CACNA2D2: variants seen among roughly 807,000 people sequenced by gnomAD.
The protein encoded by CACNA2D2 is voltage-dependent calcium channel subunit alpha-2/delta-2.
Under a neutral mutation model 166.4 loss-of-function variants are expected in CACNA2D2, and 48 were observed. That is an observed-to-expected ratio of 0.29 (90% confidence interval 0.23 to 0.37). The LOEUF is 0.37. Ranked by LOEUF, CACNA2D2 falls within the 10% of genes least tolerant of loss-of-function variation. The pLI is 1.00. For synonymous variants in CACNA2D2, 561 were observed against 573.7 expected (o/e 0.98, Z 0.32); for missense variants, 1,122 against 1,433.0 (o/e 0.78, Z 3.50).
intron 1 of CACNA2D2, among the ~76,000 whole-genome samples, chr3:50,480,115 T>A (rs545346733): frequency 6.6e-6 from 1 of 151,984 alleles, no homozygotes; most frequent in Non-Finnish European, 1.5e-5. Context: ...GACAAGAAAA[T>A]TGAAGCCCCT....
At chr3:50,431,845 C>G (rs1015975401) in intron 3 of CACNA2D2, among the ~76,000 whole-genome samples, 1 of 151,806 alleles carries the variant, frequency 6.6e-6, no homozygotes, top group Admixed American at 6.6e-5. Flanking sequence ...ATTAGCTGGG[C>G]ATGGTGGTGG....
chr3:50,372,163 T>C (rs1209262576), intron 22 of CACNA2D2, among the ~76,000 whole-genome samples: 1 of 152,062 alleles, frequency 6.6e-6, no homozygotes, highest in Non-Finnish European at 1.5e-5. Flanking sequence ...GGTCTAGGGG[T>C]TCACTACCCA....
At chr3:50,429,089 G>A (rs563215231) in intron 3 of CACNA2D2, among the ~76,000 whole-genome samples, 1 of 152,230 alleles carries the variant, frequency 6.6e-6, no homozygotes, top group South Asian at 2.1e-4. Flanking sequence ...AAATAGCCAG[G>A]CATGGTGACA....
upstream of CACNA2D2, among the ~76,000 whole-genome samples, chr3:50,503,812 G>A (rs1699094304): frequency 6.6e-6 from 1 of 150,948 alleles, no homozygotes; most frequent in Admixed American, 6.6e-5. Flanking sequence ...CCCGAATCCT[G>A]CCCTACTGGC....
rs1704192629 is a variant in CACNA2D2, at chr3:50,365,386, T to C, written c.3068A>G (p.Asn1023Ser). The C allele has an allele frequency of 1.2e-6, 2 of 1,613,420 alleles. No individual in the cohort carries two copies. The highest frequency in any genetic ancestry group is 1.7e-6 in the Non-Finnish European group (2 of 1,179,788). Residue 1023 changes from asparagine to serine, a missense_variant, in exon 35 of 38, where the codon AAC becomes AGC. This residue lies in a region of CACNA2D2 where 282 missense variants were observed against 266.2 expected (regional missense o/e 1.06). Coordinates refer to ENST00000424201, the MANE Select transcript of CACNA2D2 (RefSeq NM_006030.4). The surrounding 1 kb of genome is among the most constrained non-coding windows in gnomAD (Gnocchi z 4.5). ...YYFGSVNASY[N>S]AIIDCGNCSR... ...GCAGTTTCCGCAGTCGATGATGGCG[T>C]TGTAGGAGGCGTTTACCGAGCCGAA...
At chr3:50,436,921 C>T (rs968612465) in intron 2 of CACNA2D2, among the ~76,000 whole-genome samples, 1 of 152,236 alleles carries the variant, frequency 6.6e-6, no homozygotes, top group Non-Finnish European at 1.5e-5. Flanking sequence ...GACACCTTAG[C>T]CTCAGCCCCA....
chr3:50,472,130 A>G (rs1007121076), intron 2 of CACNA2D2, among the ~76,000 whole-genome samples: 1 of 152,140 alleles, frequency 6.6e-6, no homozygotes, highest in Non-Finnish European at 1.5e-5. Context: ...CAGCTCCCCA[A>G]CCACCACTCA....
chr3:50,387,006 C>T (rs587734483), intron 5 of CACNA2D2, among the ~76,000 whole-genome samples: 6 of 152,152 alleles, frequency 3.9e-5, no homozygotes, highest in Non-Finnish European at 5.9e-5. Flanking sequence ...GAGGGCAGCC[C>T]GGGCGGACTT....
intron 1 of CACNA2D2, among the ~76,000 whole-genome samples, chr3:50,497,764 C>A (rs35335661): frequency 0.12 from 17,697 of 152,192 alleles, 1,159 homozygotes; most frequent in Non-Finnish European, 0.14. Context: ...CACTGGCCCC[C>A]CTTCTGCCCT....
rs75303802 is a variant in CACNA2D2 at position 50,477,763 on chromosome 3, G to A, written c.207-1564C>T. Among the ~76,000 whole-genome samples the A allele has an allele frequency of 3.1e-3, 467 of 152,298 alleles. 3 individuals carry two copies. Among genetic ancestry groups the A allele is most frequent in the Non-Finnish European group, 5.3e-3 (359 of 68,018 alleles). On this transcript the variant is annotated intron_variant, in intron 1 of 37. Coordinates refer to ENST00000424201, the MANE Select transcript of CACNA2D2 (RefSeq NM_006030.4). The stretch of plus-strand genomic sequence containing the variant: ...GGGTGATGCCAGCCCCCCAGCCTCT[G>A]GAGGTACCCCGGGAGCCATGGGGTA...
chr3:50,481,066 T>C (rs1698034538), intron 1 of CACNA2D2, among the ~76,000 whole-genome samples: 1 of 151,964 alleles, frequency 6.6e-6, no homozygotes, highest in Admixed American at 6.5e-5. Flanking sequence ...TTGTACAGTA[T>C]AATCCAGGCT....
rs1436517741 is a variant in CACNA2D2, at chr3:50,503,631, C to T, written c.-208G>A. ...CTCCCTGCAGCGCTGGCTCCAAGCG[C>T]TCTGAGCGCCCGGCCCGGGACCTGC... On this transcript the variant is annotated 5_prime_UTR_variant, in exon 1 of 38. Transcript: ENST00000424201. 1.2e-5 allele frequency: 2 copies of T among 161,434 alleles called. No homozygotes were observed. Among genetic ancestry groups the T allele is most frequent in the East Asian group, 1.8e-4 (1 of 5,482 alleles). The allele number at this position is 161,434 out of a possible 1,614,324, so 10.0% of individuals were successfully genotyped here.
chr3:50,429,612 AAAAAAAAAT>A (rs1707975362), intron 3 of CACNA2D2, among the ~76,000 whole-genome samples: 1 of 137,682 alleles, frequency 7.3e-6, no homozygotes, highest in African/African-American at 3.3e-5. Context: ...AAAAAAAAAA[AAAAAAAAAT>A]TAGCCAGGCG....
chr3:50,458,442 TCTC>T (rs924175536), intron 2 of CACNA2D2, among the ~76,000 whole-genome samples: 1 of 151,780 alleles, frequency 6.6e-6, no homozygotes, highest in Non-Finnish European at 1.5e-5. Flanking sequence ...AGACAGGGAG[TCTC>T]TGGGCTCATG....
upstream of CACNA2D2, among the ~76,000 whole-genome samples, chr3:50,503,835 C>G (rs958629178): frequency 2.6e-5 from 4 of 151,786 alleles, no homozygotes; most frequent in African/African-American, 9.7e-5. Flanking sequence ...GGGCGTCCTG[C>G]GCCCCAGCTG....
intron 4 of CACNA2D2, among the ~76,000 whole-genome samples, chr3:50,390,507 G>A (rs912452340): frequency 6.6e-6 from 1 of 152,182 alleles, no homozygotes; most frequent in Non-Finnish European, 1.5e-5. Flanking sequence ...GAGGCTGAGT[G>A]TGGAAGAGTC....
chr3:50,446,182 G>A (rs921852201), intron 2 of CACNA2D2, among the ~76,000 whole-genome samples: 12 of 152,214 alleles, frequency 7.9e-5, no homozygotes, highest in Admixed American at 3.9e-4. Context: ...CCTGACTCCA[G>A]GTGTGCCACC....
In CACNA2D2 at chr3:50,408,035, C is replaced by T. The variant is rs567687705; in HGVS notation, c.406-13867G>A. Among the ~76,000 whole-genome samples the T allele has an allele frequency of 2.6e-5, 4 of 152,296 alleles. No individual in the cohort carries two copies. In the South Asian group the frequency reaches 8.3e-4, roughly 32 times the overall value. ...CTTCCACAGGACCTCATTTCATTAT[C>T]TGCACCTTGCTTCACACACATGCTT... On this transcript the variant is annotated intron_variant, in intron 3 of 37. Transcript: ENST00000424201.
At chr3:50,474,994 C>T (rs1710247833) in intron 2 of CACNA2D2, among the ~76,000 whole-genome samples, 1 of 152,162 alleles carries the variant, frequency 6.6e-6, no homozygotes, top group African/African-American at 2.4e-5. Flanking sequence ...AGGACACAGA[C>T]CTCCAGACCT....
Sources: gnomAD v4.1 joint callset for allele counts (sites outside exome capture counted in the v4.1 genomes callset) on GRCh38, gnomAD v4.1.1 for gene constraint, gnomAD v4.1.1 regional missense constraint, Gnocchi (gnomAD v3.1) non-coding constraint, MANE v1.5 for transcripts, NCBI Gene and HGNC (gene_info 2026-07-23, HGNC 2026-07-21) for gene names.